The following GFOD1 variants were observed in gnomAD, a reference collection of about 807,000 sequenced individuals.
GFOD1 encodes Gfo/Idh/MocA-like oxidoreductase domain containing 1, also known as glucose-fructose oxidoreductase domain-containing protein 1.
GFOD1 carries 9 observed loss-of-function variants against 25.4 expected under a neutral mutation model. The ratio of observed to expected loss-of-function variants is 0.35; its 90% CI spans 0.21 to 0.62. The LOEUF (loss-of-function observed/expected upper bound fraction) is 0.62. GFOD1 is among the 20% of genes least tolerant of loss of function. GFOD1 has a pLI of 0.72. For missense variants in GFOD1, 403 were observed against 556.9 expected (o/e 0.72, Z 2.78); for synonymous variants, 253 against 245.6 (o/e 1.03, Z -0.28).
chr6:13,425,549 C>G (rs982917442), intron 1 of GFOD1, among the ~76,000 whole-genome samples: 1 of 152,152 alleles, frequency 6.6e-6, no homozygotes, highest in Non-Finnish European at 1.5e-5. Flanking sequence ...GTTAAAGTCC[C>G]TCATGGGGTT....
chr6:13,396,260 C>G (rs1294026019), intron 1 of GFOD1, among the ~76,000 whole-genome samples: 1 of 152,190 alleles, frequency 6.6e-6, no homozygotes, highest in African/African-American at 2.4e-5. Flanking sequence ...TCTCTACCTC[C>G]CTCTTATGGA....
At chr6:13,484,945 C>T (rs1375588062) in intron 1 of GFOD1, among the ~76,000 whole-genome samples, 3 of 152,146 alleles carry the variant, frequency 2.0e-5, no homozygotes, top group Non-Finnish European at 4.4e-5. Context: ...CAGTTTTGTA[C>T]AAATTGCACT....
chr6:13,374,102 A>G (rs114912062), intron 1 of GFOD1, among the ~76,000 whole-genome samples: 168 of 152,250 alleles, frequency 1.1e-3, no homozygotes, highest in Admixed American at 2.2e-3. Flanking sequence ...AGTCTACACA[A>G]CCAGGTACTT....
At chr6:13,372,784 C>T (rs1311312016) in intron 1 of GFOD1, among the ~76,000 whole-genome samples, 1 of 152,194 alleles carries the variant, frequency 6.6e-6, no homozygotes, top group Non-Finnish European at 1.5e-5. Flanking sequence ...AGCACACTTC[C>T]AATCACACAA....
chr6:13,457,026 G>A (rs1159898808), intron 1 of GFOD1, among the ~76,000 whole-genome samples: 10 of 152,216 alleles, frequency 6.6e-5, no homozygotes, highest in Non-Finnish European at 1.2e-4. Context: ...GAAAATCAAA[G>A]ATGGGGCTTT....
In GFOD1 at chr6:13,365,100, G is replaced by A. The variant is rs895950029; in HGVS notation, c.816C>T (p.Ala272=). 6.2e-7 allele frequency: 1 copy of A among 1,612,394 alleles called. No individual in the cohort carries two copies. Among genetic ancestry groups the A allele is most frequent in the African/African-American group, 1.3e-5 (1 of 74,938 alleles). Residue 272 remains alanine (A), a synonymous_variant, in exon 2 of 2, where the codon GCC becomes GCT. Transcript: ENST00000379287. The surrounding 1 kb of genome is among the most constrained non-coding windows in gnomAD (Gnocchi z 9.2). ...CCTGCACCAGCAGCTCCTGCTCCGG[G>A]GCGCTGTTGCGCTGCCCGTACAGGT... The part of the protein sequence containing the change: ...GTDLYGQRNS[A]PEQELLVQDA...
chr6:13,368,975 G>A (rs1187376092), intron 1 of GFOD1, among the ~76,000 whole-genome samples: 1 of 152,220 alleles, frequency 6.6e-6, no homozygotes, highest in Non-Finnish European at 1.5e-5. Context: ...TGCTGCAAAT[G>A]TAATTGTGGT....
Position 13,357,898 on chromosome 6 carries a change from A to G in GFOD1, c.*6845T>C, listed in dbSNP as rs1784891437. The G allele has an allele frequency of 6.6e-6, 1 of 152,320 alleles. No homozygotes were observed. Among genetic ancestry groups the G allele is most frequent in the Non-Finnish European group, 1.5e-5 (1 of 68,074 alleles). The allele number at this position is 152,320 out of a possible 1,614,324, so 9.4% of individuals were successfully genotyped here. On this transcript the variant is annotated 3_prime_UTR_variant, in exon 2 of 2. Transcript: ENST00000379287. Reference sequence around the variant, plus strand: ...ATCCCACCAATGCAAATTGCGGAGAACAGCTGGAAGCCACGTCAGAGCGGC... The same window carrying G: ...ATCCCACCAATGCAAATTGCGGAGAGCAGCTGGAAGCCACGTCAGAGCGGC...
At chr6:13,420,770 T>G (rs1403402639) in intron 1 of GFOD1, among the ~76,000 whole-genome samples, 1 of 152,220 alleles carries the variant, frequency 6.6e-6, no homozygotes, top group African/African-American at 2.4e-5. Flanking sequence ...TTCCGGGTCT[T>G]TGAGAGGACA....
At chr6:13,457,449 C>T (rs116579313) in intron 1 of GFOD1, among the ~76,000 whole-genome samples, 416 of 152,286 alleles carry the variant, frequency 2.7e-3, no homozygotes, top group African/African-American at 9.4e-3. Context: ...CCAGAGTCTC[C>T]CTCTTACCCC....
intron 1 of GFOD1, among the ~76,000 whole-genome samples, chr6:13,422,299 C>T (rs561014491): frequency 5.3e-5 from 8 of 152,226 alleles, no homozygotes; most frequent in Admixed American, 1.3e-4. Flanking sequence ...ACATGCTGTC[C>T]GAACGGATTC....
intron 1 of GFOD1, among the ~76,000 whole-genome samples, chr6:13,417,918 A>C (rs1786189256): frequency 6.6e-6 from 1 of 152,222 alleles, no homozygotes; most frequent in African/African-American, 2.4e-5. Context: ...TCCTGCAGGC[A>C]TTCTGGAAAA....
chr6:13,458,561 G>T (rs1199116700), intron 1 of GFOD1, among the ~76,000 whole-genome samples: 1 of 151,860 alleles, frequency 6.6e-6, no homozygotes, highest in Non-Finnish European at 1.5e-5. Context: ...AGCCCTTCCT[G>T]TACTATCTGT....
intron 1 of GFOD1, among the ~76,000 whole-genome samples, chr6:13,419,688 T>TC (rs1786221112): frequency 6.6e-6 from 1 of 152,076 alleles, no homozygotes; most frequent in East Asian, 1.9e-4. Context: ...CTCTGACTTC[T>TC]CCCCCTCGCT....
At chr6:13,408,349 T>G (rs972509999) in intron 1 of GFOD1, among the ~76,000 whole-genome samples, 6 of 152,212 alleles carry the variant, frequency 3.9e-5, no homozygotes, top group Non-Finnish European at 1.5e-5. Context: ...CTTCCCCTTG[T>G]TCCTCCTTAT....
intron 1 of GFOD1, among the ~76,000 whole-genome samples, chr6:13,428,506 G>GTGCGA (rs56013716): frequency 1.4e-5 from 2 of 141,806 alleles, no homozygotes; most frequent in African/African-American, 3.1e-5. Flanking sequence ...CAGGCCCCCA[G>GTGCGA]TGCGATGCGA....
At chr6:13,470,173 G>A (rs780601587) in intron 1 of GFOD1, 1 of 1,548,934 alleles carries the variant, frequency 6.5e-7, no homozygotes, top group South Asian at 1.1e-5. Flanking sequence ...GGCTTCCCCA[G>A]CACCTGCGCG....
rs2127564731 is a variant in GFOD1, at chr6:13,406,452, A to AGGCC, written c.254-40791_254-40790insGGCC. 2.0e-5 allele frequency among the ~76,000 whole-genome samples: 3 copies of AGGCC among 152,228 alleles called. No individual in the cohort carries two copies. In the South Asian group the frequency reaches 6.2e-4, roughly 32 times the overall value. ...AATACAAGGTAACACGGCTTCAGAAAGGGCGCCTGTATTCACGTTAGGACT... is the reference window on the plus strand; with the variant it reads ...AATACAAGGTAACACGGCTTCAGAAAGGCCGGGCGCCTGTATTCACGTTAGGACT... On this transcript the variant is annotated intron_variant, in intron 1 of 1. Coordinates refer to ENST00000379287, the MANE Select transcript of GFOD1 (RefSeq NM_018988.4).
chr6:13,445,586 G>A (rs1172934149), intron 1 of GFOD1, among the ~76,000 whole-genome samples: 2 of 152,234 alleles, frequency 1.3e-5, no homozygotes, highest in African/African-American at 4.8e-5. Flanking sequence ...GTGGGAAGAA[G>A]ATTCTTACAG....
Sources: gnomAD v4.1 joint callset for allele counts (sites outside exome capture counted in the v4.1 genomes callset) on GRCh38, gnomAD v4.1.1 for gene constraint, Gnocchi (gnomAD v3.1) non-coding constraint, MANE v1.5 for transcripts, NCBI Gene and HGNC (gene_info 2026-07-23, HGNC 2026-07-21) for gene names.